Variants in RSPH14 observed in about 807,000 individuals in gnomAD.
The protein encoded by RSPH14 is radial spoke head 14 homolog, also known as rhabdoid tumor deletion region gene 1.
A neutral mutation model predicts 26.7 loss-of-function variants in RSPH14; 20 were observed. The ratio of observed to expected loss-of-function variants is 0.75; its 90% confidence interval spans 0.53 to 1.09. The LOEUF is 1.09. Ranked by LOEUF, RSPH14 falls within the 50% of genes least tolerant of loss-of-function variation. The pLI, the probability that RSPH14 is intolerant of heterozygous loss-of-function variation, is 0.00. For synonymous variants in RSPH14, 177 were observed against 189.3 expected, an observed-to-expected ratio of 0.93 and a Z score of 0.53; for missense variants, 449 against 457.2, an observed-to-expected ratio of 0.98 and a Z score of 0.16.
chr22:23,110,532 G>A (rs951410611), intron 4 of RSPH14, among the ~76,000 whole-genome samples: 2 of 152,208 alleles, frequency 1.3e-5, no homozygotes, highest in Admixed American at 6.5e-5. Context: ...AGAGACAGAG[G>A]GAGAGCAGGG....
chr22:23,152,162 C>A, the RSPH14 span, among the ~76,000 whole-genome samples: 2 of 152,238 alleles, frequency 1.3e-5, no homozygotes, highest in Non-Finnish European at 2.9e-5. Flanking sequence ...GGCCTCCTGC[C>A]TCTGCCCCTC....
the RSPH14 span, chr22:23,153,160 C>T: frequency 3.5e-5 from 54 of 1,564,488 alleles, no homozygotes; most frequent in Non-Finnish European, 4.0e-5. Context: ...CCCCATGGCT[C>T]GTGGGCAGCT....
the RSPH14 span, among the ~76,000 whole-genome samples, chr22:23,158,739 G>A: frequency 2.0e-5 from 3 of 152,218 alleles, no homozygotes; most frequent in East Asian, 5.8e-4. Context: ...CCTTCCGGCT[G>A]GAGGTGCAGC....
the RSPH14 span, among the ~76,000 whole-genome samples, chr22:23,167,921 T>C: frequency 6.6e-6 from 1 of 152,040 alleles, no homozygotes; most frequent in Admixed American, 6.6e-5. Context: ...GGCGTGATCA[T>C]AGCTCAGTGC....
rs531977238 is a variant in RSPH14, at chr22:23,078,920, C to T, written c.422-14787G>A. On this transcript the variant is annotated intron_variant, in intron 4 of 6. Coordinates refer to ENST00000216036, the MANE Select transcript of RSPH14 (RefSeq NM_014433.3). Reference sequence around the variant, plus strand: ...CAAGTCCAGGTGGGCGGGGGCTGTGCGTCTACCCGTGTCCACCCAGGGAAG... The same window carrying T: ...CAAGTCCAGGTGGGCGGGGGCTGTGTGTCTACCCGTGTCCACCCAGGGAAG... Among the ~76,000 whole-genome samples the T allele has an allele frequency of 7.2e-5, 11 of 152,308 alleles. No homozygotes were observed. The East Asian group carries it at 1.5e-3, about 21-fold the overall frequency.
At chr22:23,153,167 A>G in the RSPH14 span, 1 of 1,505,112 alleles carries the variant, frequency 6.6e-7, no homozygotes, top group Non-Finnish European at 9.2e-7. Flanking sequence ...GCTCGTGGGC[A>G]GCTTCCTACA....
chr22:23,089,212 G>T (rs1308497755), intron 4 of RSPH14, among the ~76,000 whole-genome samples: 1 of 152,198 alleles, frequency 6.6e-6, no homozygotes, highest in Non-Finnish European at 1.5e-5. Context: ...CCCGCCCCTG[G>T]CTTAGCCGGC....
rs1018580185 is a variant in RSPH14, at chr22:23,071,054, C to G, written c.422-6921G>C. Among the ~76,000 whole-genome samples, 1 of 152,108 alleles carries G rather than the reference C, an allele frequency of 6.6e-6. No homozygotes were observed. Among genetic ancestry groups the G allele is most frequent in the Non-Finnish European group, 1.5e-5 (1 of 68,004 alleles). On this transcript the variant is annotated intron_variant, in intron 4 of 6. Coordinates refer to ENST00000216036, the MANE Select transcript of RSPH14 (RefSeq NM_014433.3). This position sits in a 1 kb window ranked among gnomAD's most constrained non-coding sequence, Gnocchi z 4.1. ...GGAGAGGGCCCCAGAGGCCTGGGCC[C>G]GAGGACCTGGGCCCGCAGACGGACA...
chr22:23,089,854 C>T (rs2068917462), intron 4 of RSPH14, among the ~76,000 whole-genome samples: 1 of 152,208 alleles, frequency 6.6e-6, no homozygotes, highest in Non-Finnish European at 1.5e-5. Flanking sequence ...GATGGAGCTC[C>T]TTAAGAGCCT....
intron 3 of RSPH14, among the ~76,000 whole-genome samples, chr22:23,138,579 A>AAGAG (rs995339730): frequency 6.6e-6 from 1 of 150,842 alleles, no homozygotes; most frequent in African/African-American, 2.4e-5. Context: ...AAAGAAAAGA[A>AAGAG]AGAGAGAGAG....
intron 4 of RSPH14, among the ~76,000 whole-genome samples, chr22:23,074,354 G>GT (rs543179940): frequency 6.6e-6 from 1 of 152,178 alleles, no homozygotes; most frequent in Non-Finnish European, 1.5e-5. Context: ...TGGGAGATTT[G>GT]TTTTTTTAAA....
chr22:23,147,915 C>T (rs1156987574), upstream of RSPH14, among the ~76,000 whole-genome samples: 2 of 151,856 alleles, frequency 1.3e-5, no homozygotes, highest in African/African-American at 2.4e-5. Flanking sequence ...CAGCACACTC[C>T]GGTGTGTGAA....
chr22:23,139,265 T>C (rs2146453830), intron 2 of RSPH14, among the ~76,000 whole-genome samples: 1 of 152,374 alleles, frequency 6.6e-6, no homozygotes, highest in South Asian at 2.1e-4. Context: ...TATAACCCTG[T>C]GTCAAACTAG....
chr22:23,084,055 T>G (rs1011365006), intron 4 of RSPH14, among the ~76,000 whole-genome samples: 32 of 152,144 alleles, frequency 2.1e-4, no homozygotes, highest in African/African-American at 7.7e-4. Context: ...GGGTGAGCTA[T>G]GCAGGCGATC....
At chr22:23,111,990 C>T (rs2069671521) in intron 4 of RSPH14, among the ~76,000 whole-genome samples, 1 of 152,210 alleles carries the variant, frequency 6.6e-6, no homozygotes, top group Non-Finnish European at 1.5e-5. Context: ...TAGACCAGTC[C>T]TCTGTCCCTT....
the RSPH14 span, among the ~76,000 whole-genome samples, chr22:23,159,924 G>GA: frequency 5.3e-5 from 8 of 151,892 alleles, no homozygotes; most frequent in East Asian, 1.9e-4. Context: ...CCTTTTTTGT[G>GA]AAAAAACGTT....
chr22:23,149,111 T>C (rs1776417260), upstream of RSPH14, among the ~76,000 whole-genome samples: 1 of 150,386 alleles, frequency 6.6e-6, no homozygotes, highest in South Asian at 2.1e-4. Context: ...CCCGAATCCA[T>C]GGTTGAGACA....
intron 4 of RSPH14, among the ~76,000 whole-genome samples, chr22:23,121,814 C>T (rs1011313963): frequency 4.6e-5 from 7 of 151,708 alleles, no homozygotes; most frequent in Middle Eastern, 3.4e-3. Flanking sequence ...CTCCACCTCC[C>T]GGGTTCAAGT....
At chr22:23,068,673 C>T (rs2068266648) in intron 4 of RSPH14, among the ~76,000 whole-genome samples, 1 of 152,238 alleles carries the variant, frequency 6.6e-6, no homozygotes, top group Non-Finnish European at 1.5e-5. Flanking sequence ...TCAACTCTGA[C>T]CCCCAGACTC....
Sources: allele counts gnomAD v4.1 joint callset (sites outside exome capture counted in the v4.1 genomes callset), GRCh38; gene constraint gnomAD v4.1.1; non-coding constraint Gnocchi (gnomAD v3.1); transcripts MANE v1.5; gene names NCBI Gene and HGNC (gene_info 2026-07-23, HGNC 2026-07-21).